The following ARHGAP22 variants were observed in gnomAD, a reference collection of about 807,000 sequenced individuals.
ARHGAP22 encodes the protein Rho GTPase activating protein 22.
A neutral mutation model predicts 59.1 loss-of-function variants in ARHGAP22; 48 were observed. The observed-to-expected ratio is 0.81, with a 90% CI of 0.64 to 1.03. The LOEUF is 1.03. Among genes scored for constraint, ARHGAP22 ranks in the 50% least tolerant of loss-of-function variants. ARHGAP22 has a pLI of 0.00. For missense variants in ARHGAP22, 1,015 were observed against 958.7 expected (o/e 1.06, Z -0.78); for synonymous variants, 445 against 416.4 (o/e 1.07, Z -0.84).
chr10:48,628,782 C>T (rs74635887), intron 1 of ARHGAP22, among the ~76,000 whole-genome samples: 1,889 of 152,238 alleles, frequency 0.012, 45 homozygotes, highest in African/African-American at 0.043. Flanking sequence ...CCCTTGGAGT[C>T]ATCATCTTTG....
At chr10:48,459,650 A>C in intron 5 of ARHGAP22, 34 bp downstream of exon 5, 1 of 1,610,608 alleles carries the variant, frequency 6.2e-7, no homozygotes, top group Non-Finnish European at 8.5e-7. Flanking sequence ...GGAATGGACA[A>C]ATGGCTCCAC....
intron 1 of ARHGAP22, among the ~76,000 whole-genome samples, chr10:48,647,808 C>A (rs183231335): frequency 6.6e-6 from 1 of 152,112 alleles, no homozygotes; most frequent in Non-Finnish European, 1.5e-5. Flanking sequence ...AACGGGTGAG[C>A]GGAGAAACAC....
At chr10:48,551,425 C>T (rs2056882752) in intron 3 of ARHGAP22, among the ~76,000 whole-genome samples, 6 of 152,200 alleles carry the variant, frequency 3.9e-5, no homozygotes, top group African/African-American at 1.4e-4. Flanking sequence ...CCTGGCAGAA[C>T]CCCATTTGCC....
At chr10:48,494,576 C>A (rs532027233) in intron 3 of ARHGAP22, among the ~76,000 whole-genome samples, 1 of 152,318 alleles carries the variant, frequency 6.6e-6, no homozygotes, top group South Asian at 2.1e-4. Flanking sequence ...CCCATCTATC[C>A]ATCTGCTCAT....
At chr10:48,479,264 A>G (rs1296972139) in intron 4 of ARHGAP22, 1 of 288,990 alleles carries the variant, frequency 3.5e-6, no homozygotes, top group Non-Finnish European at 6.5e-6. Context: ...CTGAGCTTCA[A>G]TGGCTTTGTG....
At chr10:48,622,557 C>T (rs796327328) in intron 1 of ARHGAP22, among the ~76,000 whole-genome samples, 1 of 152,278 alleles carries the variant, frequency 6.6e-6, no homozygotes, top group African/African-American at 2.4e-5. Context: ...TTAGCATATT[C>T]ATCACCTCAA....
intron 1 of ARHGAP22, among the ~76,000 whole-genome samples, chr10:48,617,507 T>G (rs2061127536): frequency 6.6e-6 from 1 of 152,012 alleles, no homozygotes; most frequent in South Asian, 2.1e-4. Flanking sequence ...AAGTATCTTT[T>G]CTGATCACAT....
In ARHGAP22 at chr10:48,583,039, T is replaced by A. The variant is rs200749941; in HGVS notation, c.148A>T (p.Ile50Phe). 1 of 1,614,160 alleles carries A rather than the reference T, an allele frequency of 6.2e-7. No homozygotes were observed. The highest frequency in any genetic ancestry group is 1.3e-5 in the African/African-American group (1 of 74,964). ...CAGCGCTGCTGCCAGTTCTTCATGA[T>A]GCTCCTCTGCTTCTTCAGCCAGCCC... is the stretch of plus-strand genomic sequence containing the variant. ...KAGWLKKQRS[I>F]MKNWQQRWFV... Residue 50 changes from isoleucine to phenylalanine, a missense_variant, in exon 2 of 10, where the codon ATC becomes TTC. Ile to Phe is a conservative substitution (Grantham distance 21). Transcript: ENST00000249601.
chr10:48,526,681 A>C (rs1043620749), intron 3 of ARHGAP22, among the ~76,000 whole-genome samples: 6 of 152,232 alleles, frequency 3.9e-5, no homozygotes, highest in Non-Finnish European at 8.8e-5. Context: ...GATTTAAAAG[A>C]AAACATCACA....
chr10:48,434,096 G>C, the ARHGAP22 span, among the ~76,000 whole-genome samples: 2 of 152,082 alleles, frequency 1.3e-5, no homozygotes, highest in African/African-American at 4.8e-5. Context: ...TTTCTGTCTC[G>C]AGCTCAGGTA....
At chr10:48,448,323 CTA>C (rs1197081304) in intron 9 of ARHGAP22, among the ~76,000 whole-genome samples, 2 of 152,190 alleles carry the variant, frequency 1.3e-5, no homozygotes, top group African/African-American at 4.8e-5. Context: ...CCATGCTGCT[CTA>C]TGTTCCCCTC....
chr10:48,642,193 CATCAAGCT>C (rs1403807956), intron 1 of ARHGAP22, among the ~76,000 whole-genome samples: 1 of 152,206 alleles, frequency 6.6e-6, no homozygotes, highest in Admixed American at 6.5e-5. Context: ...ATGCCATCCC[CATCAAGCT>C]ACCAATGACT....
downstream of ARHGAP22, among the ~76,000 whole-genome samples, chr10:48,443,238 G>C (rs1258431523): frequency 6.6e-6 from 1 of 152,090 alleles, no homozygotes. Context: ...TCTTTCAAAA[G>C]CTTTCTCTTT....
At chr10:48,452,653 G>T (rs2046092453) in intron 8 of ARHGAP22, among the ~76,000 whole-genome samples, 1 of 152,220 alleles carries the variant, frequency 6.6e-6, no homozygotes, top group Admixed American at 6.5e-5. Flanking sequence ...TATGAGGTGG[G>T]CTGTCTTTTC....
At position 48,450,487 on chromosome 10, in the gene ARHGAP22, C is replaced by T. The variant is rs767888272; in HGVS notation, c.1642G>A (p.Ala548Thr). ...CTGGGGAGCGGGGAGGGCTCCAGGGCCCAGTCGGTGTGCAGGGAACTGCGG... is the reference window on the plus strand; with the variant it reads ...CTGGGGAGCGGGGAGGGCTCCAGGGTCCAGTCGGTGTGCAGGGAACTGCGG... ...SARSSLHTDW[A>T]LEPSPLPSSS... Residue 548 changes from alanine (A) to threonine (T), a missense_variant, in exon 9 of 10, where the codon GCC (alanine) becomes ACC (threonine). Ala to Thr is a moderately conservative substitution (Grantham distance 58, BLOSUM62 0). Coordinates refer to ENST00000249601, the MANE Select transcript of ARHGAP22 (RefSeq NM_021226.4). 51 of 1,533,666 alleles carry T rather than the reference C, an allele frequency of 3.3e-5. No individual in the cohort carries two copies. In the East Asian group the frequency reaches 1.2e-3, roughly 36 times the overall value.
At chr10:48,474,338 AG>A (rs1453092436) in intron 4 of ARHGAP22, among the ~76,000 whole-genome samples, 3 of 152,202 alleles carry the variant, frequency 2.0e-5, no homozygotes, top group African/African-American at 7.2e-5. Context: ...TAATTCTAAT[AG>A]TTTTTTTGTA....
At chr10:48,537,665 C>A (rs1476748823) in intron 3 of ARHGAP22, among the ~76,000 whole-genome samples, 1 of 152,226 alleles carries the variant, frequency 6.6e-6, no homozygotes, top group Non-Finnish European at 1.5e-5. Flanking sequence ...CAAGGTGGCG[C>A]ACACAGGGGG....
intron 1 of ARHGAP22, among the ~76,000 whole-genome samples, chr10:48,599,122 AG>A (rs1335558156): frequency 1.2e-4 from 19 of 152,370 alleles, no homozygotes; most frequent in African/African-American, 4.3e-4. Context: ...GACTTCAAGC[AG>A]GAAGTTCCAA....
chr10:48,584,774 C>A (rs1009332147), intron 1 of ARHGAP22, among the ~76,000 whole-genome samples: 2 of 152,172 alleles, frequency 1.3e-5, no homozygotes, highest in Non-Finnish European at 2.9e-5. Flanking sequence ...GCGGGCGGAT[C>A]ACGAGGTCAG....
Sources: allele counts gnomAD v4.1 joint callset (sites outside exome capture counted in the v4.1 genomes callset), GRCh38; gene constraint gnomAD v4.1.1; transcripts MANE v1.5; gene names NCBI Gene and HGNC (gene_info 2026-07-23, HGNC 2026-07-21).